The following PKNOX2 variants were observed in gnomAD, a reference collection of about 807,000 sequenced individuals.
PKNOX2 encodes PBX/knotted 1 homeobox 2.
PKNOX2 carries 14 observed loss-of-function variants against 53.1 expected under a neutral mutation model. That is an observed-to-expected ratio of 0.26 (90% CI 0.17 to 0.41). The LOEUF is 0.41. Ranked by LOEUF, PKNOX2 falls within the 10% of genes least tolerant of loss-of-function variation. The probability of loss-of-function intolerance (pLI) is 1.00; values close to 1 mark genes in which losing one functional copy is unlikely to be tolerated. For missense variants in PKNOX2, 496 were observed against 602.8 expected, an observed-to-expected ratio of 0.82 and a Z score of 1.85; for synonymous variants, 257 against 242.8, an observed-to-expected ratio of 1.06 and a Z score of -0.54.
intron 1 of PKNOX2, among the ~76,000 whole-genome samples, chr11:125,218,544 T>C (rs1591484650): frequency 6.6e-6 from 1 of 151,660 alleles, no homozygotes; most frequent in Admixed American, 6.6e-5. Context: ...AGCACGGAGG[T>C]GTGAGCAAGG....
At chr11:125,342,056 G>T (rs1457152543) in intron 3 of PKNOX2, among the ~76,000 whole-genome samples, 5 of 152,254 alleles carry the variant, frequency 3.3e-5, no homozygotes, top group African/African-American at 1.2e-4. Flanking sequence ...CACCAGGAAG[G>T]TGCAGGAAGG....
intron 4 of PKNOX2, among the ~76,000 whole-genome samples, chr11:125,357,617 C>T (rs1951689630): frequency 6.6e-6 from 1 of 152,162 alleles, no homozygotes; most frequent in South Asian, 2.1e-4. Context: ...ACCTTACATG[C>T]TCTGCCTGCC....
At chr11:125,218,329 C>T (rs1940763826) in intron 1 of PKNOX2, among the ~76,000 whole-genome samples, 2 of 151,216 alleles carry the variant, frequency 1.3e-5, no homozygotes, top group Admixed American at 6.6e-5. Context: ...GGGGTGGGGG[C>T]TCGGCCATGT....
chr11:125,286,874 C>T (rs1429563952), intron 2 of PKNOX2, among the ~76,000 whole-genome samples: 1 of 152,176 alleles, frequency 6.6e-6, no homozygotes, highest in Non-Finnish European at 1.5e-5. Context: ...GGAAGAACAG[C>T]GTATGTTGTG....
At chr11:125,202,906 GT>G (rs1336732552) in intron 1 of PKNOX2, among the ~76,000 whole-genome samples, 1 of 152,076 alleles carries the variant, frequency 6.6e-6, no homozygotes, top group East Asian at 1.9e-4. Context: ...TATTTTTAGA[GT>G]TTAAAAAACC....
chr11:125,389,540 A>G (rs1451561950), intron 6 of PKNOX2, among the ~76,000 whole-genome samples: 1 of 152,064 alleles, frequency 6.6e-6, no homozygotes, highest in Non-Finnish European at 1.5e-5. Flanking sequence ...TCCAATTCCC[A>G]TAGCCGCAGG....
At chr11:125,368,557 G>T (rs1028811220) in intron 5 of PKNOX2, among the ~76,000 whole-genome samples, 3 of 152,208 alleles carry the variant, frequency 2.0e-5, no homozygotes, top group Admixed American at 2.0e-4. Context: ...GACCACACTT[G>T]GATTCATGGT....
In PKNOX2 at chr11:125,352,019, A is replaced by G. The variant is rs1322189242; in HGVS notation, c.87+627A>G. Among the ~76,000 whole-genome samples the G allele has an allele frequency of 1.7e-4, 26 of 150,450 alleles. No homozygotes were observed. The highest frequency in any genetic ancestry group is 1.6e-3 in the Admixed American group (24 of 15,124). ...AAGATCTTCTGCGCTCCCCACCCCG[A>G]TTGCCTCTCCTGCAACATGCCCCTC... On this transcript the variant is annotated intron_variant, in intron 4 of 12. Transcript: ENST00000298282. This position sits in a 1 kb window ranked among gnomAD's most constrained non-coding sequence, Gnocchi z 4.1.
In PKNOX2 at chr11:125,304,611, C is replaced by T. The variant is rs954242703; in HGVS notation, c.-129-27208C>T. 4.6e-5 allele frequency among the ~76,000 whole-genome samples: 7 copies of T among 152,328 alleles called. No individual in the cohort carries two copies. The South Asian group carries it at 6.2e-4, about 14-fold the overall frequency. ...CATCTCAGGTCACAGATGCATTAAA[C>T]GTCCCCTAAATCAGCATTTTATATC... On this transcript the variant is annotated intron_variant, in intron 2 of 12. Transcript: ENST00000298282.
intron 10 of PKNOX2, among the ~76,000 whole-genome samples, chr11:125,420,725 C>A (rs1051044135): frequency 3.9e-5 from 6 of 152,098 alleles, no homozygotes; most frequent in Non-Finnish European, 8.8e-5. Context: ...AGTTTCAGGG[C>A]ATTTGACCCT....
chr11:125,292,646 A>T (rs1947374349), intron 2 of PKNOX2, among the ~76,000 whole-genome samples: 1 of 152,190 alleles, frequency 6.6e-6, no homozygotes, highest in Non-Finnish European at 1.5e-5. Flanking sequence ...GAGCAGGTCT[A>T]GCCATGTGTG....
intron 2 of PKNOX2, among the ~76,000 whole-genome samples, chr11:125,235,784 G>A (rs1305062697): frequency 2.0e-4 from 31 of 152,166 alleles, no homozygotes; most frequent in Non-Finnish European, 8.8e-5. Flanking sequence ...GCCCCTGCCT[G>A]TGTCCCCTGC....
chr11:125,339,730 G>A (rs1299557198), intron 3 of PKNOX2, among the ~76,000 whole-genome samples: 2 of 152,372 alleles, frequency 1.3e-5, no homozygotes, highest in Admixed American at 1.3e-4. Context: ...GCCAAGAGCA[G>A]GGTGAGGCAC....
At chr11:125,302,455 C>T (rs1948142026) in intron 2 of PKNOX2, among the ~76,000 whole-genome samples, 1 of 152,216 alleles carries the variant, frequency 6.6e-6, no homozygotes, top group Non-Finnish European at 1.5e-5. Context: ...GCACACTACC[C>T]CTCACAGCCT....
At chr11:125,195,537 G>C (rs1455794389) in intron 1 of PKNOX2, among the ~76,000 whole-genome samples, 2 of 152,046 alleles carry the variant, frequency 1.3e-5, no homozygotes, top group African/African-American at 2.4e-5. Flanking sequence ...GCCAAAAGAG[G>C]AGAGGTTTGA....
chr11:125,174,644 A>T (rs61911006), intron 1 of PKNOX2, among the ~76,000 whole-genome samples: 32,807 of 152,010 alleles, frequency 0.22, 4,188 homozygotes, highest in Non-Finnish European at 0.29. Flanking sequence ...GGGTGGGAAG[A>T]TATATTGCAG....
chr11:125,389,723 A>G (rs1039253807), intron 6 of PKNOX2, among the ~76,000 whole-genome samples: 5 of 152,224 alleles, frequency 3.3e-5, no homozygotes, highest in Admixed American at 2.6e-4. Context: ...TGCAGGGCCA[A>G]GGTTTTATAT....
intron 2 of PKNOX2, among the ~76,000 whole-genome samples, chr11:125,248,738 A>G (rs1209114975): frequency 6.8e-6 from 1 of 148,054 alleles, no homozygotes; most frequent in African/African-American, 2.5e-5. Context: ...TAATATATAC[A>G]TTTTATACAA....
chr11:125,410,268 T>C lies in PKNOX2; in HGVS notation c.661T>C (p.Ser221Pro). 6.2e-7 allele frequency: 1 copy of C among 1,614,034 alleles called. No homozygotes were observed. Among genetic ancestry groups the C allele is most frequent in the East Asian group, 2.2e-5 (1 of 44,848 alleles). Residue 221 changes from serine to proline, a missense_variant, in exon 8 of 13, where the codon TCA becomes CCA. Physicochemically the swap from Ser to Pro is moderately conservative, Grantham distance 74 (BLOSUM62 -1). Around this residue, in one of 5 missense-constraint regions of PKNOX2, gnomAD observed 141 missense variants for 143.9 expected, o/e 0.98. Coordinates refer to ENST00000298282, the MANE Select transcript of PKNOX2 (RefSeq NM_001382323.2). ...NNPQGIVVPA[S>P]ALQQGNIAMT... ...CCCCCAGGGGATTGTGGTCCCAGCC[T>C]CAGCGCTCCAGCAGGGCAACATCGC...
Sources: gnomAD v4.1 joint callset for allele counts (sites outside exome capture counted in the v4.1 genomes callset) on GRCh38, gnomAD v4.1.1 for gene constraint, gnomAD v4.1.1 regional missense constraint, Gnocchi (gnomAD v3.1) non-coding constraint, MANE v1.5 for transcripts, NCBI Gene and HGNC (gene_info 2026-07-23, HGNC 2026-07-21) for gene names.